The following SH3GL3 variants were observed in gnomAD, a reference collection of about 807,000 sequenced individuals.
SH3GL3 encodes endophilin-A3.
In SH3GL3, 33 loss-of-function variants were observed where a neutral mutation model predicts 47.7. That is an observed-to-expected ratio of 0.69 (90% CI 0.52 to 0.92). The LOEUF is 0.92. Among genes scored for constraint, SH3GL3 ranks in the 40% least tolerant of loss-of-function variants. The pLI is 0.00. For missense variants in SH3GL3, 363 were observed against 417.8 expected, an observed-to-expected ratio of 0.87 and a Z score of 1.14; for synonymous variants, 155 against 148.8, an observed-to-expected ratio of 1.04 and a Z score of -0.30.
intron 2 of SH3GL3, among the ~76,000 whole-genome samples, chr15:83,562,777 G>A (rs1285735771): frequency 6.6e-6 from 1 of 152,120 alleles, no homozygotes; most frequent in Non-Finnish European, 1.5e-5. Flanking sequence ...TCTATTAACA[G>A]CATTTTCCTA....
chr15:83,608,296 C>A (rs967655431), intron 8 of SH3GL3, among the ~76,000 whole-genome samples: 2 of 152,128 alleles, frequency 1.3e-5, no homozygotes, highest in African/African-American at 4.8e-5. Context: ...CCCTCATAGA[C>A]CAACACTTCA....
intron 8 of SH3GL3, among the ~76,000 whole-genome samples, chr15:83,601,455 G>A (rs1262300284): frequency 2.6e-5 from 4 of 152,062 alleles, no homozygotes; most frequent in African/African-American, 7.2e-5. Flanking sequence ...TGAGATGATC[G>A]TGTAATTTTT....
the SH3GL3 span, among the ~76,000 whole-genome samples, chr15:83,627,942 TG>T: frequency 8.5e-5 from 13 of 152,218 alleles, no homozygotes; most frequent in Non-Finnish European, 1.5e-4. Context: ...CTACTTAGGA[TG>T]AGGGCCTATA....
chr15:83,535,089 T>A (rs2043846610), intron 1 of SH3GL3, among the ~76,000 whole-genome samples: 1 of 141,720 alleles, frequency 7.1e-6, no homozygotes, highest in Non-Finnish European at 1.6e-5. Flanking sequence ...AAAAATACCA[T>A]CTATGTAAAA....
intron 1 of SH3GL3, among the ~76,000 whole-genome samples, chr15:83,523,204 A>G (rs2043280327): frequency 6.6e-6 from 1 of 152,250 alleles, no homozygotes; most frequent in South Asian, 2.1e-4. Flanking sequence ...AAAATAGACC[A>G]ACAGTATATT....
At chr15:83,475,790 T>C (rs1596055055) in intron 1 of SH3GL3, among the ~76,000 whole-genome samples, 1 of 152,386 alleles carries the variant, frequency 6.6e-6, no homozygotes, top group Non-Finnish European at 1.5e-5. Flanking sequence ...AGACTCCTGG[T>C]TGCTGAAGAG....
At chr15:83,588,282 C>G (rs901931867) in intron 7 of SH3GL3, among the ~76,000 whole-genome samples, 17 of 152,124 alleles carry the variant, frequency 1.1e-4, no homozygotes, top group Non-Finnish European at 2.5e-4. Flanking sequence ...AGGCGCCCAC[C>G]ACCATGCCTG....
chr15:83,542,861 CT>C (rs1342194848), intron 1 of SH3GL3, among the ~76,000 whole-genome samples: 3 of 152,018 alleles, frequency 2.0e-5, no homozygotes, highest in Non-Finnish European at 2.9e-5. Context: ...TAATACCTTT[CT>C]GATGGAGTAT....
At chr15:83,450,804 A>ATTTTTTTTTTTTTT (rs34099509) in intron 1 of SH3GL3, among the ~76,000 whole-genome samples, 3 of 58,788 alleles carry the variant, frequency 5.1e-5, no homozygotes, top group African/African-American at 8.0e-5. Flanking sequence ...TTTTTTTTTA[A>ATTTTTTTTTTTTTT]TTTTTTTTTT....
intron 1 of SH3GL3, among the ~76,000 whole-genome samples, chr15:83,449,837 G>A (rs2039650129): frequency 6.6e-6 from 1 of 150,716 alleles, no homozygotes; most frequent in South Asian, 2.1e-4. Flanking sequence ...CAGTAGATAT[G>A]TTTTAATATG....
At chr15:83,492,483 G>A (rs2041917001) in intron 1 of SH3GL3, among the ~76,000 whole-genome samples, 1 of 152,066 alleles carries the variant, frequency 6.6e-6, no homozygotes. Context: ...TGTGGCAGAT[G>A]CAATTGATGT....
rs901487628 is a variant in SH3GL3, at chr15:83,529,527, G to A, written c.46-29726G>A. On this transcript the variant is annotated intron_variant, in intron 1 of 8. Transcript: ENST00000427482. ...GGTGGTGGACTGGGTAGAGTGATCCGCAGGCCCCTGGGTGATGTACTCAGG... is the reference window on the plus strand; with the variant it reads ...GGTGGTGGACTGGGTAGAGTGATCCACAGGCCCCTGGGTGATGTACTCAGG... Among the ~76,000 whole-genome samples the A allele has an allele frequency of 2.3e-4, 35 of 152,156 alleles. 1 individual carries two copies. Among genetic ancestry groups the A allele is most frequent in the Admixed American group, 1.8e-3 (27 of 15,300 alleles).
At chr15:83,596,659 G>A (rs926167098) in intron 8 of SH3GL3, among the ~76,000 whole-genome samples, 8 of 152,056 alleles carry the variant, frequency 5.3e-5, no homozygotes, top group Non-Finnish European at 8.8e-5. Flanking sequence ...TTTAAGATAC[G>A]GGGTTTTGCC....
At chr15:83,537,014 G>T (rs2043942497) in intron 1 of SH3GL3, among the ~76,000 whole-genome samples, 1 of 152,134 alleles carries the variant, frequency 6.6e-6, no homozygotes, top group South Asian at 2.1e-4. Flanking sequence ...TAGGTAGCTG[G>T]GGTAGGTTTT....
chr15:83,555,973 T>C (rs1462512150), intron 1 of SH3GL3, among the ~76,000 whole-genome samples: 1 of 152,262 alleles, frequency 6.6e-6, no homozygotes, highest in Non-Finnish European at 1.5e-5. Context: ...ATCCTTGCTA[T>C]GTATTCAAGG....
chr15:83,597,924 A>T (rs1396792008), intron 8 of SH3GL3, among the ~76,000 whole-genome samples: 1 of 152,148 alleles, frequency 6.6e-6, no homozygotes, highest in Admixed American at 6.5e-5. Context: ...TATGCTTTTT[A>T]AAAAGTCTCC....
intron 1 of SH3GL3, among the ~76,000 whole-genome samples, chr15:83,551,333 G>A (rs1267123861): frequency 1.3e-5 from 2 of 152,158 alleles, no homozygotes; most frequent in African/African-American, 4.8e-5. Flanking sequence ...GCCACATTGA[G>A]TAGCCACCCA....
chr15:83,494,997 C>G (rs1019243062), intron 1 of SH3GL3, among the ~76,000 whole-genome samples: 2 of 152,120 alleles, frequency 1.3e-5, no homozygotes, highest in African/African-American at 4.8e-5. Context: ...GATGCTCCTT[C>G]CCTTGGTGCT....
At chr15:83,481,656 A>G (rs79042299) in intron 1 of SH3GL3, among the ~76,000 whole-genome samples, 4,716 of 152,344 alleles carry the variant, frequency 0.031, 127 homozygotes, top group Non-Finnish European at 0.046. Context: ...TGATGGCAGA[A>G]CTTCATTCCC....
Sources: gnomAD v4.1 joint callset for allele counts (sites outside exome capture counted in the v4.1 genomes callset) on GRCh38, gnomAD v4.1.1 for gene constraint, MANE v1.5 for transcripts, NCBI Gene and HGNC (gene_info 2026-07-23, HGNC 2026-07-21) for gene names.